Variants in NCAPD3 observed in about 807,000 individuals in gnomAD.
The protein encoded by NCAPD3 is condensin-2 complex subunit D3.
Under a neutral mutation model 182.9 loss-of-function variants are expected in NCAPD3, and 105 were observed. That is an observed-to-expected ratio of 0.57 (90% CI 0.49 to 0.68). The LOEUF is 0.68. NCAPD3 is among the 30% of genes least tolerant of loss of function. The pLI is 0.00. For missense variants in NCAPD3, 1,944 were observed against 1,837.0 expected (o/e 1.06, Z -1.07); for synonymous variants, 815 against 679.9 (o/e 1.20, Z -3.09).
intron 23 of NCAPD3, 59 bp downstream of exon 23, chr11:134,177,160 T>C: frequency 7.6e-7 from 1 of 1,312,546 alleles, no homozygotes; most frequent in Non-Finnish European, 1.1e-6. Flanking sequence ...TACTCAAATA[T>C]TCCCTTAAAC....
chr11:134,177,122 T>A, intron 23 of NCAPD3, 97 bp downstream of exon 23: 2 of 949,824 alleles, frequency 2.1e-6, no homozygotes, highest in Non-Finnish European at 3.3e-6. Flanking sequence ...TTTTGGATTC[T>A]ACTACAAAGC....
Position 134,151,781 on chromosome 11 carries a change from C to T in NCAPD3, c.*1163G>A, listed in dbSNP as rs114547465. ...ATTGCTTCATTCTTTGTTATTTGCTCTTACGTTGGGTTTGTCTCTTCTTCC... is the reference window on the plus strand; with the variant it reads ...ATTGCTTCATTCTTTGTTATTTGCTTTTACGTTGGGTTTGTCTCTTCTTCC... On this transcript the variant is annotated 3_prime_UTR_variant, in exon 35 of 35. Coordinates refer to ENST00000534548, the MANE Select transcript of NCAPD3 (RefSeq NM_015261.3). The T allele has an allele frequency of 9.9e-5, 15 of 152,278 alleles. No homozygotes were observed. The highest frequency in any genetic ancestry group is 3.6e-4 in the African/African-American group (15 of 41,536). 9.4% of individuals were successfully genotyped at this position (152,278 alleles called of 1,614,324 possible). A position where few individuals can be genotyped will look rare whatever the true frequency, so the allele number is the denominator to read the frequency against.
chr11:134,174,855 ATAAT>A (rs1280135705), intron 24 of NCAPD3, among the ~76,000 whole-genome samples: 1 of 152,256 alleles, frequency 6.6e-6, no homozygotes, highest in Non-Finnish European at 1.5e-5. Context: ...ATAAATATGT[ATAAT>A]TATTACACGT....
intron 28 of NCAPD3, among the ~76,000 whole-genome samples, chr11:134,160,289 G>T (rs922164865): frequency 1.3e-5 from 2 of 152,152 alleles, no homozygotes; most frequent in Non-Finnish European, 2.9e-5. Context: ...GAAAGCAGAT[G>T]ATTTCCATTC....
intron 32 of NCAPD3, among the ~76,000 whole-genome samples, chr11:134,156,642 C>G (rs947800100): frequency 1.1e-4 from 16 of 152,174 alleles, no homozygotes; most frequent in African/African-American, 3.9e-4. Flanking sequence ...GTGCTGACGT[C>G]TGCCCGCCCT....
In NCAPD3 at chr11:134,176,403, C is replaced by T. The variant is rs371449252; in HGVS notation, c.3022-17G>A. The stretch of plus-strand genomic sequence containing the variant: ...AAATTCCTCCTGTGCAGAGAGAAGC[C>T]GGCATGTTTCAGAGTGCGTCATCAT... On this transcript the variant is annotated splice_polypyrimidine_tract_variant and intron_variant, in intron 23 of 34. Transcript: ENST00000534548. 3.7e-5 allele frequency: 59 copies of T among 1,610,910 alleles called. No individual in the cohort carries two copies. Among genetic ancestry groups the T allele is most frequent in the Admixed American group, 2.7e-4 (16 of 59,982 alleles).
chr11:134,212,607 G>A (rs903856341), intron 3 of NCAPD3, among the ~76,000 whole-genome samples: 1 of 152,234 alleles, frequency 6.6e-6, no homozygotes, highest in South Asian at 2.1e-4. Flanking sequence ...GGCCAGGCTG[G>A]TCTAGAACTC....
chr11:134,194,075 G>C lies in NCAPD3; in HGVS notation c.1765C>G (p.Arg589Gly), dbSNP rs996493072. The change falls in exon 15 of 35, where the codon CGG becomes GGG. Residue 589 changes from arginine to glycine, a missense_variant. Arg to Gly is a moderately radical substitution (Grantham distance 125). Transcript: ENST00000534548. ...TTCCGGACAGACACTGCAGGGTCCCGACACTGGTCCTGCAGAATCCACAGG... is the reference window on the plus strand; with the variant it reads ...TTCCGGACAGACACTGCAGGGTCCCCACACTGGTCCTGCAGAATCCACAGG... ...EDLWILQDQC[R>G]DPAVSVRKQA... 6 of 1,614,102 alleles carry C rather than the reference G, an allele frequency of 3.7e-6. No homozygotes were observed. The highest frequency in any genetic ancestry group is 5.1e-6 in the Non-Finnish European group (6 of 1,179,934).
Position 134,223,960 on chromosome 11 carries a change from CA to C in NCAPD3, c.-35del. ...GGCACCGGCTCGCCGCCGCCGTGCTCAACTTTCAAAGCTCGCTCCCGCGCGC... is the reference window on the plus strand; with the variant it reads ...GGCACCGGCTCGCCGCCGCCGTGCTCACTTTCAAAGCTCGCTCCCGCGCGC... On this transcript the variant is annotated 5_prime_UTR_variant, in exon 1 of 35. Coordinates refer to ENST00000534548, the MANE Select transcript of NCAPD3 (RefSeq NM_015261.3). 1 of 1,607,478 alleles carries C rather than the reference CA, an allele frequency of 6.2e-7. No homozygotes were observed. Among genetic ancestry groups the C allele is most frequent in the Non-Finnish European group, 8.5e-7 (1 of 1,177,920 alleles).
At chr11:134,159,471 G>A (rs1943518089) in intron 29 of NCAPD3, among the ~76,000 whole-genome samples, 1 of 152,232 alleles carries the variant, frequency 6.6e-6, no homozygotes, top group South Asian at 2.1e-4. Flanking sequence ...AAGAGAAAAA[G>A]GAGTATGCTA....
chr11:134,177,073 C>G (rs1944186405), intron 23 of NCAPD3, 146 bp downstream of exon 23: 1 of 659,156 alleles, frequency 1.5e-6, no homozygotes, highest in South Asian at 1.9e-5. Context: ...TGCTAAACAT[C>G]AGAAGAGTAA....
At position 134,208,969 on chromosome 11, in the gene NCAPD3, AATATTAGTTAATGG is replaced by A; in HGVS notation, c.795-32_795-19del. Reference sequence around the variant, plus strand: ...TAAGAGCTCTAAAAAAAAAAGACGAAATATTAGTTAATGGATATGATTTTACTTGGAATATTTCT... The same window carrying A: ...TAAGAGCTCTAAAAAAAAAAGACGAAATATGATTTTACTTGGAATATTTCT... On this transcript the variant is annotated intron_variant, in intron 6 of 34. Coordinates refer to ENST00000534548, the MANE Select transcript of NCAPD3 (RefSeq NM_015261.3). 1 of 1,539,948 alleles carries A rather than the reference AATATTAGTTAATGG, an allele frequency of 6.5e-7. No homozygotes were observed. Among genetic ancestry groups the A allele is most frequent in the African/African-American group, 1.4e-5 (1 of 72,478 alleles).
Position 134,177,317 on chromosome 11 carries a change from T to A in NCAPD3, c.2923A>T (p.Met975Leu). 2 of 1,614,222 alleles carry A rather than the reference T, an allele frequency of 1.2e-6. No homozygotes were observed. The highest frequency in any genetic ancestry group is 2.2e-5 in the South Asian group (2 of 91,082). Reference protein sequence around the residue: ...MCDLCIRYTIMVDKYIPNISM... With the variant: ...MCDLCIRYTILVDKYIPNISM... ...ATGTTGGGAATATACTTGTCCACCA[T>A]GATGGTGTAGCGAATGCAGAGATCG... Residue 975 changes from methionine (M) to leucine (L), a missense_variant, in exon 23 of 35, where the codon ATG becomes TTG. Met to Leu is a conservative substitution (Grantham distance 15). Transcript: ENST00000534548.
chr11:134,163,719 A>C lies in NCAPD3; in HGVS notation c.3574-1828T>G, dbSNP rs551117969. The stretch of plus-strand genomic sequence containing the variant: ...GTGTCTCAAAAAAAAAAAAAAAAAA[A>C]AAGTTAGCCAGGCACAGTGGCAGGG... On this transcript the variant is annotated intron_variant, in intron 27 of 34. Coordinates refer to ENST00000534548, the MANE Select transcript of NCAPD3 (RefSeq NM_015261.3). Among the ~76,000 whole-genome samples the C allele has an allele frequency of 4.9e-4, 74 of 149,896 alleles. 1 individual carries two copies. In the East Asian group the frequency reaches 0.014, roughly 27 times the overall value.
intron 23 of NCAPD3, 59 bp from the exon 24 acceptor site, chr11:134,176,445 TC>T: frequency 7.0e-7 from 1 of 1,437,564 alleles, no homozygotes; most frequent in Non-Finnish European, 9.8e-7. Context: ...GCCTCACTGT[TC>T]CCAGCCACAC....
At chr11:134,182,991 C>T in intron 19 of NCAPD3, 3 of 411,708 alleles carry the variant, frequency 7.3e-6, no homozygotes, top group Non-Finnish European at 1.4e-5. Context: ...GCCCCACCCG[C>T]TTCCAGCTCT....
chr11:134,153,374 A>G lies in NCAPD3; in HGVS notation c.4253-11T>C. 2 of 1,613,812 alleles carry G rather than the reference A, an allele frequency of 1.2e-6. No individual in the cohort carries two copies. Among genetic ancestry groups the G allele is most frequent in the Non-Finnish European group, 1.7e-6 (2 of 1,179,800 alleles). ...CATCACTGATGCTCTCTGCATAAAGAGGAGACACCACTGAGTGAAAGCCGC... is the reference window on the plus strand; with the variant it reads ...CATCACTGATGCTCTCTGCATAAAGGGGAGACACCACTGAGTGAAAGCCGC... On this transcript the variant is annotated splice_polypyrimidine_tract_variant and intron_variant, in intron 32 of 34. Transcript: ENST00000534548.
chr11:134,174,420 A>C (rs1030715183), intron 24 of NCAPD3, among the ~76,000 whole-genome samples: 29 of 151,262 alleles, frequency 1.9e-4, no homozygotes, highest in Non-Finnish European at 1.3e-4. Flanking sequence ...AACAAAAAAA[A>C]CAGTATCTAA....
intron 3 of NCAPD3, among the ~76,000 whole-genome samples, chr11:134,215,418 G>C (rs1002469328): frequency 6.6e-6 from 1 of 152,132 alleles, no homozygotes; most frequent in Non-Finnish European, 1.5e-5. Context: ...CTTACACAAA[G>C]AAAACCCTGT....
Sources: gnomAD v4.1 joint callset for allele counts (sites outside exome capture counted in the v4.1 genomes callset) on GRCh38, gnomAD v4.1.1 for gene constraint, MANE v1.5 for transcripts, NCBI Gene and HGNC (gene_info 2026-07-23, HGNC 2026-07-21) for gene names.